CHKA: variants seen among roughly 807,000 people sequenced by gnomAD.
CHKA encodes the protein choline kinase alpha.
A neutral mutation model predicts 60.1 loss-of-function variants in CHKA; 34 were observed. That is an observed-to-expected ratio of 0.57 (90% CI 0.43 to 0.75). CHKA has a LOEUF of 0.75. Ranked by LOEUF, CHKA falls within the 30% of genes least tolerant of loss-of-function variation. The pLI is 0.00. For synonymous variants in CHKA, 217 were observed against 223.1 expected (o/e 0.97, Z 0.24); for missense variants, 563 against 561.3 (o/e 1.00, Z -0.03).
At position 68,085,150 on chromosome 11, in the gene CHKA, A is replaced by G. The variant is rs144848095; in HGVS notation, c.463-3693T>C. On this transcript the variant is annotated intron_variant, in intron 2 of 11. Coordinates refer to ENST00000265689, the MANE Select transcript of CHKA (RefSeq NM_001277.3). ...TTCATTAGCCTGTGATGTAGGAAAC[A>G]AATGAGGCTACAGTGACAGCATTAA... 2.6e-5 allele frequency among the ~76,000 whole-genome samples: 4 copies of G among 152,286 alleles called. No individual in the cohort carries two copies. In the East Asian group the frequency reaches 7.7e-4, roughly 29 times the overall value.
At chr11:68,106,329 T>C (rs117383085) in intron 1 of CHKA, among the ~76,000 whole-genome samples, 4,156 of 152,182 alleles carry the variant, frequency 0.027, 78 homozygotes, top group Non-Finnish European at 0.041. Flanking sequence ...GGTGAAAGGA[T>C]TGCTTCAGCC....
At chr11:68,064,500 C>A (rs764225688) in intron 10 of CHKA, 25 bp downstream of exon 10, 7 of 1,228,092 alleles carry the variant, frequency 5.7e-6, no homozygotes, top group Non-Finnish European at 7.0e-6. Flanking sequence ...GCTATCTTTA[C>A]AAATCAAAAA....
At chr11:68,110,597 C>T (rs1013759466) in intron 1 of CHKA, among the ~76,000 whole-genome samples, 10 of 152,116 alleles carry the variant, frequency 6.6e-5, no homozygotes, top group Non-Finnish European at 1.0e-4. Flanking sequence ...TAGGAAGACT[C>T]AATATTATCA....
At chr11:68,072,633 C>CA (rs1484729420) in intron 4 of CHKA, among the ~76,000 whole-genome samples, 1 of 150,468 alleles carries the variant, frequency 6.6e-6, no homozygotes, top group Non-Finnish European at 1.5e-5. Context: ...TCTTGTTGGT[C>CA]AAAAACAGTC....
chr11:68,095,723 AAAAAAAAAAAAC>A (rs1473106364), intron 2 of CHKA, among the ~76,000 whole-genome samples: 58 of 143,700 alleles, frequency 4.0e-4, no homozygotes, highest in African/African-American at 1.4e-3. Context: ...AAAAAAAAAA[AAAAAAAAAAAAC>A]AACAGGTATC....
At chr11:68,101,752 C>T (rs1468456446) in intron 1 of CHKA, among the ~76,000 whole-genome samples, 2 of 151,846 alleles carry the variant, frequency 1.3e-5, no homozygotes, top group Non-Finnish European at 2.9e-5. Flanking sequence ...ACTGAAGACA[C>T]AAATAAATGG....
In CHKA at chr11:68,113,890, C is replaced by G. The variant is rs550788647; in HGVS notation, c.350+6938G>C. 4.0e-5 allele frequency among the ~76,000 whole-genome samples: 6 copies of G among 151,200 alleles called. No individual in the cohort carries two copies. In the South Asian group the frequency reaches 1.3e-3, roughly 32 times the overall value. On this transcript the variant is annotated intron_variant, in intron 1 of 11. Transcript: ENST00000265689. Reference sequence around the variant, plus strand: ...CCTGTAATCTCAAGAACTCAGGAGGCAGAGACAGGAGAATCGCTTGAACCC... The same window carrying G: ...CCTGTAATCTCAAGAACTCAGGAGGGAGAGACAGGAGAATCGCTTGAACCC...
chr11:68,072,657 G>A (rs1055113447), intron 4 of CHKA, among the ~76,000 whole-genome samples: 2 of 151,810 alleles, frequency 1.3e-5, no homozygotes, highest in African/African-American at 2.4e-5. Context: ...CACCGGCGGC[G>A]TCATATGGTT....
Position 68,061,967 on chromosome 11 carries a change from C to A in CHKA, c.1300G>T (p.Glu434Ter). 1 of 1,592,014 alleles carries A rather than the reference C, an allele frequency of 6.3e-7. No homozygotes were observed. Among genetic ancestry groups the A allele is most frequent in the South Asian group, 1.1e-5 (1 of 87,542 alleles). Reference sequence around the variant, plus strand: ...CTAAAACATACCATGTACCCAAATTCAATAGATGAAATCTTGGCTTGTACA... The same window carrying A: ...CTAAAACATACCATGTACCCAAATTAAATAGATGAAATCTTGGCTTGTACA... ...SIVQAKISSI[E>*]FGYMDYAQAR... Residue 434 changes from glutamate (E) to a stop codon, truncating the protein, a stop_gained, in exon 11 of 12, where the codon GAA (glutamate) becomes TAA (stop). Transcript: ENST00000265689. LOFTEE classifies it high-confidence loss of function.
chr11:68,066,474 T>A lies in CHKA; in HGVS notation c.971A>T (p.Gln324Leu). ...TTCGAAATCAATGAGCATCAGTTTC[T>A]GTTTTTCAGAATTCTCTCGGCCTTC... ...LLEGRENSEKQKLMLIDFEYS... is the reference protein window; with the variant it reads ...LLEGRENSEKLKLMLIDFEYS... Residue 324 changes from glutamine (Q) to leucine (L), a missense_variant, in exon 8 of 12, where the codon CAG becomes CTG. Gln to Leu is a moderately radical substitution (Grantham distance 113). Coordinates refer to ENST00000265689, the MANE Select transcript of CHKA (RefSeq NM_001277.3). 4 of 1,614,242 alleles carry A rather than the reference T, an allele frequency of 2.5e-6. No individual in the cohort carries two copies. Among genetic ancestry groups the A allele is most frequent in the Non-Finnish European group, 3.4e-6 (4 of 1,180,024 alleles).
chr11:68,066,889 G>A (rs1856462436), intron 7 of CHKA, among the ~76,000 whole-genome samples: 1 of 152,186 alleles, frequency 6.6e-6, no homozygotes. Flanking sequence ...GCAGCCCTGG[G>A]ACTTGGTTTG....
At chr11:68,070,143 T>C (rs1311099769) in intron 6 of CHKA, 46 bp downstream of exon 6, 4 of 1,365,534 alleles carry the variant, frequency 2.9e-6, no homozygotes, top group African/African-American at 1.4e-5. Context: ...ACAACAGTTT[T>C]AGTGACTAAG....
intron 9 of CHKA, 40 bp downstream of exon 9, chr11:68,065,746 T>G (rs559799724): frequency 2.3e-6 from 3 of 1,292,216 alleles, no homozygotes; most frequent in South Asian, 2.4e-5. Context: ...GAAATTGACA[T>G]GTAATTTTCC....
At chr11:68,101,775 T>G (rs1857735026) in intron 1 of CHKA, among the ~76,000 whole-genome samples, 1 of 152,242 alleles carries the variant, frequency 6.6e-6, no homozygotes, top group Non-Finnish European at 1.5e-5. Context: ...CAATATCCCA[T>G]GTTCATGTAT....
chr11:68,074,850 A>C lies in CHKA; in HGVS notation c.517-20T>G. The C allele has an allele frequency of 6.2e-7, 1 of 1,611,260 alleles. No individual in the cohort carries two copies. The highest frequency in any genetic ancestry group is 8.5e-7 in the Non-Finnish European group (1 of 1,177,596). On this transcript the variant is annotated intron_variant, in intron 3 of 11. Coordinates refer to ENST00000265689, the MANE Select transcript of CHKA (RefSeq NM_001277.3). ...AGCCCCCTAAAACAGATGGCAACAAATCAGGTGTTTACTGAGTGTTTGCTA... is the reference window on the plus strand; with the variant it reads ...AGCCCCCTAAAACAGATGGCAACAACTCAGGTGTTTACTGAGTGTTTGCTA...
intron 1 of CHKA, among the ~76,000 whole-genome samples, chr11:68,097,891 T>G (rs553604529): frequency 6.6e-6 from 1 of 152,240 alleles, no homozygotes; most frequent in African/African-American, 2.4e-5. Context: ...CCCAGGCATA[T>G]GGCTCGAGTC....
At chr11:68,099,535 TAAAAGGGAACCCA>T (rs990593748) in intron 1 of CHKA, among the ~76,000 whole-genome samples, 1 of 152,086 alleles carries the variant, frequency 6.6e-6, no homozygotes, top group African/African-American at 2.4e-5. Context: ...AGAACAAAAA[TAAAAGGGAACCCA>T]AAGTTCTTGT....
At chr11:68,114,122 T>C (rs980687432) in intron 1 of CHKA, among the ~76,000 whole-genome samples, 2 of 152,212 alleles carry the variant, frequency 1.3e-5, no homozygotes, top group Non-Finnish European at 2.9e-5. Context: ...TCACTGCTGG[T>C]AGGAATGCAA....
chr11:68,071,783 G>A (rs1464029543), intron 4 of CHKA, among the ~76,000 whole-genome samples: 2 of 152,210 alleles, frequency 1.3e-5, no homozygotes, highest in Non-Finnish European at 2.9e-5. Flanking sequence ...CTCTCACAGA[G>A]TTGCCAGGAG....
Sources: allele counts gnomAD v4.1 joint callset (sites outside exome capture counted in the v4.1 genomes callset), GRCh38; gene constraint gnomAD v4.1.1; transcripts MANE v1.5; gene names NCBI Gene and HGNC (gene_info 2026-07-23, HGNC 2026-07-21).